The following MAGI1 variants were observed in gnomAD, a reference collection of about 807,000 sequenced individuals.
The protein encoded by MAGI1 is membrane-associated guanylate kinase, WW and PDZ domain-containing protein 1.
In MAGI1, 58 loss-of-function variants were observed where a neutral mutation model predicts 139.9. The observed-to-expected ratio is 0.41, with a 90% confidence interval of 0.34 to 0.52. The LOEUF (loss-of-function observed/expected upper bound fraction) is 0.52, where lower values mean the gene tolerates loss of function less well. Ranked by LOEUF, MAGI1 falls within the 20% of genes least tolerant of loss-of-function variation. MAGI1 has a pLI of 0.12. For missense variants in MAGI1, 1,874 were observed against 1,901.6 expected (o/e 0.99, Z 0.27); for synonymous variants, 812 against 737.9 (o/e 1.10, Z -1.63).
At chr3:65,783,581 T>A (rs150584730) in intron 1 of MAGI1, among the ~76,000 whole-genome samples, 3,514 of 151,988 alleles carry the variant, frequency 0.023, 56 homozygotes, top group Non-Finnish European at 0.03. Flanking sequence ...GCAGCCTCAA[T>A]CTCCTTGGCT....
chr3:65,907,299 T>C (rs2061478968), intron 1 of MAGI1, among the ~76,000 whole-genome samples: 1 of 152,198 alleles, frequency 6.6e-6, no homozygotes, highest in South Asian at 2.1e-4. Flanking sequence ...GAGATAACTC[T>C]AGTGGGTGGA....
chr3:65,828,830 A>G (rs1391747086), intron 1 of MAGI1, among the ~76,000 whole-genome samples: 2 of 152,166 alleles, frequency 1.3e-5, no homozygotes, highest in African/African-American at 2.4e-5. Flanking sequence ...GAGAGATGGG[A>G]CAGAAAGAGA....
intron 1 of MAGI1, among the ~76,000 whole-genome samples, chr3:65,723,919 TGG>T (rs1388684304): frequency 6.6e-6 from 1 of 152,176 alleles, no homozygotes; most frequent in Non-Finnish European, 1.5e-5. Context: ...TTAGCATGTT[TGG>T]GGATTGGAAA....
intron 2 of MAGI1, among the ~76,000 whole-genome samples, chr3:65,586,083 G>C: frequency 6.6e-6 from 1 of 152,028 alleles, no homozygotes; most frequent in Non-Finnish European, 1.5e-5. Flanking sequence ...GGTGGCGCAT[G>C]CCTGTACCCT....
At chr3:65,551,135 T>A (rs1177309178) in intron 2 of MAGI1, among the ~76,000 whole-genome samples, 2 of 152,116 alleles carry the variant, frequency 1.3e-5, no homozygotes, top group African/African-American at 4.8e-5. Context: ...CTCATGATGG[T>A]GAGTTCTCAG....
chr3:65,509,679 A>G (rs1020597676), intron 2 of MAGI1, among the ~76,000 whole-genome samples: 5 of 152,136 alleles, frequency 3.3e-5, no homozygotes, highest in Admixed American at 2.6e-4. Flanking sequence ...GCTGATTGCT[A>G]GCACAGCAGT....
At chr3:66,000,790 A>G (rs1049060777) in intron 1 of MAGI1, among the ~76,000 whole-genome samples, 1 of 152,194 alleles carries the variant, frequency 6.6e-6, no homozygotes, top group African/African-American at 2.4e-5. Flanking sequence ...TAAACCTTTC[A>G]TATCAGGCTT....
chr3:65,692,963 G>C (rs1218998549), intron 1 of MAGI1, among the ~76,000 whole-genome samples: 4 of 152,106 alleles, frequency 2.6e-5, no homozygotes, highest in Non-Finnish European at 5.9e-5. Context: ...ACAGGGTCTT[G>C]CTCTGTTGCC....
At chr3:65,460,513 C>G (rs1949703719) in intron 5 of MAGI1, among the ~76,000 whole-genome samples, 1 of 151,540 alleles carries the variant, frequency 6.6e-6, no homozygotes, top group Admixed American at 6.6e-5. Context: ...CTCATTTAAG[C>G]CTGGGAATAC....
intron 1 of MAGI1, among the ~76,000 whole-genome samples, chr3:65,670,113 C>T (rs1411984869): frequency 4.6e-5 from 7 of 152,074 alleles, no homozygotes; most frequent in Admixed American, 3.3e-4. Context: ...TCATGTTGCT[C>T]GATTAGAAGT....
At chr3:65,700,999 G>A (rs1436830740) in intron 1 of MAGI1, among the ~76,000 whole-genome samples, 1 of 152,118 alleles carries the variant, frequency 6.6e-6, no homozygotes, top group Non-Finnish European at 1.5e-5. Context: ...TTAACACAAT[G>A]CGGCCACCAT....
chr3:65,694,660 C>A (rs1286370352), intron 1 of MAGI1, among the ~76,000 whole-genome samples: 1 of 152,236 alleles, frequency 6.6e-6, no homozygotes, highest in Non-Finnish European at 1.5e-5. Flanking sequence ...GAAACAGCTA[C>A]AATGTGCTGC....
intron 1 of MAGI1, among the ~76,000 whole-genome samples, chr3:65,768,181 A>G (rs2037646882): frequency 6.6e-6 from 1 of 152,212 alleles, no homozygotes; most frequent in African/African-American, 2.4e-5. Context: ...GCACTTTGGG[A>G]GGCTGAGGCA....
intron 5 of MAGI1, among the ~76,000 whole-genome samples, chr3:65,469,035 T>C (rs1243273334): frequency 6.6e-6 from 1 of 151,982 alleles, no homozygotes; most frequent in East Asian, 1.9e-4. Flanking sequence ...TCACAACGCA[T>C]ATCAATGAAA....
At chr3:65,838,855 A>T (rs1206464629) in intron 1 of MAGI1, among the ~76,000 whole-genome samples, 5 of 152,202 alleles carry the variant, frequency 3.3e-5, no homozygotes, top group Non-Finnish European at 5.9e-5. Context: ...AATGTATGAG[A>T]GACTCAGCTT....
At chr3:65,665,887 C>T (rs757786324) in intron 1 of MAGI1, among the ~76,000 whole-genome samples, 2 of 152,200 alleles carry the variant, frequency 1.3e-5, no homozygotes, top group African/African-American at 4.8e-5. Flanking sequence ...TTTAAAAAAA[C>T]TATTCTTCCT....
chr3:65,561,118 G>A (rs1345485036), intron 2 of MAGI1, among the ~76,000 whole-genome samples: 3 of 152,118 alleles, frequency 2.0e-5, no homozygotes, highest in Admixed American at 2.0e-4. Flanking sequence ...TCAAGACTTT[G>A]TACCTCCAGG....
At chr3:65,473,460 G>C (rs983724204) in intron 4 of MAGI1, among the ~76,000 whole-genome samples, 1 of 152,094 alleles carries the variant, frequency 6.6e-6, no homozygotes, top group Non-Finnish European at 1.5e-5. Flanking sequence ...TCCAAACTCG[G>C]TGACAGCCTT....
intron 1 of MAGI1, among the ~76,000 whole-genome samples, chr3:65,979,045 AG>A (rs2065413024): frequency 6.6e-6 from 1 of 151,072 alleles, no homozygotes; most frequent in Non-Finnish European, 1.5e-5. Context: ...TTCTGGAAAA[AG>A]AAGTCAAGTT....
Sources: allele counts gnomAD v4.1 joint callset (sites outside exome capture counted in the v4.1 genomes callset), GRCh38; gene constraint gnomAD v4.1.1; transcripts MANE v1.5; gene names NCBI Gene and HGNC (gene_info 2026-07-23, HGNC 2026-07-21).